SEMA6D: variants seen among roughly 807,000 people sequenced by gnomAD.
SEMA6D encodes semaphorin 6D.
Under a neutral mutation model 106.6 loss-of-function variants are expected in SEMA6D, and 35 were observed. The ratio of observed to expected loss-of-function variants is 0.33; its 90% CI spans 0.25 to 0.44. The LOEUF (loss-of-function observed/expected upper bound fraction) is 0.44. Among genes scored for constraint, SEMA6D ranks in the 20% least tolerant of loss-of-function variants. The pLI is 1.00. For missense variants in SEMA6D, 1,185 were observed against 1,345.9 expected (o/e 0.88, Z 1.87); for synonymous variants, 499 against 487.7 (o/e 1.02, Z -0.31).
chr15:47,244,875 T>C (rs1195665399), intron 1 of SEMA6D, among the ~76,000 whole-genome samples: 1 of 152,166 alleles, frequency 6.6e-6, no homozygotes, highest in African/African-American at 2.4e-5. Flanking sequence ...GTAGTTCCAG[T>C]ATCTGTTGTT....
At chr15:47,500,633 C>G (rs1165935773) in intron 3 of SEMA6D, among the ~76,000 whole-genome samples, 1 of 152,160 alleles carries the variant, frequency 6.6e-6, no homozygotes, top group East Asian at 1.9e-4. Context: ...GCCCAGGTCC[C>G]TCTTACAGAG....
At chr15:47,273,553 A>C (rs1378422621) in intron 1 of SEMA6D, among the ~76,000 whole-genome samples, 2 of 152,158 alleles carry the variant, frequency 1.3e-5, no homozygotes, top group African/African-American at 4.8e-5. Context: ...CTATTTGTTC[A>C]TTTTTTGCAG....
intron 4 of SEMA6D, among the ~76,000 whole-genome samples, chr15:47,654,145 G>T (rs1488494873): frequency 1.3e-5 from 2 of 152,154 alleles, no homozygotes; most frequent in African/African-American, 4.8e-5. Flanking sequence ...ATCCCGAACT[G>T]CAGGGCTCTT....
intron 1 of SEMA6D, among the ~76,000 whole-genome samples, chr15:47,368,904 C>T (rs2039163512): frequency 6.6e-6 from 1 of 152,158 alleles, no homozygotes; most frequent in African/African-American, 2.4e-5. Flanking sequence ...CCTTTAGAAC[C>T]TCAAGGATCA....
rs529728919 is a variant in SEMA6D at position 47,184,194 on chromosome 15, G to C, written c.-463G>C. The C allele has an allele frequency of 3.3e-5, 5 of 152,924 alleles. No homozygotes were observed. In the East Asian group the frequency reaches 7.7e-4, roughly 24 times the overall value. The allele number at this position is 152,924 out of a possible 1,614,324, so 9.5% of individuals were successfully genotyped here. A position where few individuals can be genotyped will look rare whatever the true frequency, so the allele number is the denominator to read the frequency against. On this transcript the variant is annotated 5_prime_UTR_variant, in exon 1 of 20. Transcript: ENST00000558014. ...GGAGCGGACGAACCCGGAGAAGAGA[G>C]CAGAGAGACCCACCAGGACTAGGAG...
rs567690440 is a variant in SEMA6D at position 47,613,652 on chromosome 15, AT to A, written c.-55+12767del. On this transcript the variant is annotated intron_variant, in intron 4 of 19. Transcript: ENST00000558014. ...GAGACCCCCAAAACTTTATTTTTTA[AT>A]TTTTTTTTTTGAGACGGAGTCTCAC... 4.0e-3 allele frequency among the ~76,000 whole-genome samples: 596 copies of A among 149,070 alleles called. 3 individuals are homozygous for A. The highest frequency in any genetic ancestry group is 0.011 in the African/African-American group (466 of 40,738).
chr15:47,495,560 T>G lies in SEMA6D; in HGVS notation c.-87+25015T>G, dbSNP rs964491224. On this transcript the variant is annotated intron_variant, in intron 3 of 19. Coordinates refer to the SEMA6D transcript ENST00000558014. ...CATGAATCGCAAATGTTGTAGAATT[T>G]GGGAAACATTAAAAAAAGAGAAGGA... is the stretch of plus-strand genomic sequence containing the variant. Among the ~76,000 whole-genome samples the G allele has an allele frequency of 3.9e-5, 6 of 152,008 alleles. No individual in the cohort carries two copies. The South Asian group carries it at 1.2e-3, about 32-fold the overall frequency.
intron 3 of SEMA6D, among the ~76,000 whole-genome samples, chr15:47,516,752 T>TG (rs1408413201): frequency 1.3e-5 from 2 of 152,182 alleles, no homozygotes; most frequent in Non-Finnish European, 2.9e-5. Flanking sequence ...ATCAAAGTGA[T>TG]GCGTATTGAT....
At chr15:47,378,879 C>A (rs1238906884) in intron 1 of SEMA6D, among the ~76,000 whole-genome samples, 4 of 152,194 alleles carry the variant, frequency 2.6e-5, no homozygotes, top group Non-Finnish European at 4.4e-5. Context: ...ATTATGGAAA[C>A]CACATTGACT....
At chr15:47,265,084 T>A (rs1380563272) in intron 1 of SEMA6D, among the ~76,000 whole-genome samples, 2 of 152,106 alleles carry the variant, frequency 1.3e-5, no homozygotes, top group South Asian at 2.1e-4. Context: ...TTTCTTGTGA[T>A]GTCTTTGTCT....
At chr15:47,554,382 T>G (rs1287804919) in intron 3 of SEMA6D, among the ~76,000 whole-genome samples, 2 of 152,190 alleles carry the variant, frequency 1.3e-5, no homozygotes, top group African/African-American at 4.8e-5. Flanking sequence ...TCTAAGTGAA[T>G]GAGTGCAGTT....
intron 2 of SEMA6D, among the ~76,000 whole-genome samples, chr15:47,466,756 G>T (rs557838228): frequency 6.8e-5 from 10 of 146,084 alleles, no homozygotes; most frequent in Non-Finnish European, 1.2e-4. Flanking sequence ...ATGGAGTCTT[G>T]CTCTGTCTTC....
intron 3 of SEMA6D, among the ~76,000 whole-genome samples, chr15:47,472,277 A>G (rs1325528338): frequency 2.0e-5 from 3 of 152,212 alleles, no homozygotes; most frequent in Non-Finnish European, 4.4e-5. Context: ...AAAAAGTTAA[A>G]GATGGATGGC....
In SEMA6D at chr15:47,673,368, G is replaced by A. The variant is rs144803540; in HGVS notation, c.-55+72472G>A. Among the ~76,000 whole-genome samples the A allele has an allele frequency of 2.7e-3, 413 of 152,270 alleles. 2 individuals are homozygous for A. The highest frequency in any genetic ancestry group is 9.4e-3 in the African/African-American group (390 of 41,536). On this transcript the variant is annotated intron_variant, in intron 4 of 19. Transcript: ENST00000558014. ...AATTATCTCTTCACAAACCTCAGCT[G>A]AAATCTGACAGAATCAACATGAGCT...
chr15:47,543,708 A>C (rs1158028867), intron 3 of SEMA6D, among the ~76,000 whole-genome samples: 1 of 152,072 alleles, frequency 6.6e-6, no homozygotes, highest in South Asian at 2.1e-4. Flanking sequence ...GGTTTGAACT[A>C]GGTGATCTGC....
intron 4 of SEMA6D, among the ~76,000 whole-genome samples, chr15:47,676,701 G>A (rs1337600909): frequency 6.6e-6 from 1 of 152,140 alleles, no homozygotes; most frequent in Non-Finnish European, 1.5e-5. Flanking sequence ...TGCAGGCTAG[G>A]GTACTGTTCA....
intron 1 of SEMA6D, among the ~76,000 whole-genome samples, chr15:47,258,269 G>A (rs1252546785): frequency 6.6e-6 from 1 of 152,124 alleles, no homozygotes; most frequent in East Asian, 1.9e-4. Context: ...TTATTAATAT[G>A]TTAGAACCGA....
At position 47,674,373 on chromosome 15, in the gene SEMA6D, T is replaced by C. The variant is rs138729914; in HGVS notation, c.-55+73477T>C. On this transcript the variant is annotated intron_variant, in intron 4 of 19. Coordinates refer to the SEMA6D transcript ENST00000558014. ...GATTCCTCAGACACCATTATTGTCATCAGAAGTCACTGGGGCCATTTTAAA... is the reference window on the plus strand; with the variant it reads ...GATTCCTCAGACACCATTATTGTCACCAGAAGTCACTGGGGCCATTTTAAA... Among the ~76,000 whole-genome samples, 531 of 152,330 alleles carry C rather than the reference T, an allele frequency of 3.5e-3. 4 individuals are homozygous for C. The highest frequency in any genetic ancestry group is 0.012 in the African/African-American group (516 of 41,566).
chr15:47,334,643 T>G (rs2037477957), intron 1 of SEMA6D, among the ~76,000 whole-genome samples: 2 of 152,160 alleles, frequency 1.3e-5, no homozygotes, highest in Admixed American at 6.6e-5. Context: ...ACACAATTGG[T>G]GTCAAAAGTG....
Sources: allele counts gnomAD v4.1 joint callset (sites outside exome capture counted in the v4.1 genomes callset), GRCh38; gene constraint gnomAD v4.1.1; transcripts MANE v1.5; gene names NCBI Gene and HGNC (gene_info 2026-07-23, HGNC 2026-07-21).